The following TNK2 variants were observed in gnomAD, a reference collection of about 807,000 sequenced individuals.
The protein encoded by TNK2 is tyrosine kinase non receptor 2, also known as activated CDC42 kinase 1.
Under a neutral mutation model 101.8 loss-of-function variants are expected in TNK2, and 83 were observed. That is an observed-to-expected ratio of 0.82 (90% CI 0.68 to 0.98). The LOEUF (loss-of-function observed/expected upper bound fraction) is 0.98. Among genes scored for constraint, TNK2 ranks in the 50% least tolerant of loss-of-function variants. The pLI is 0.00. For missense variants in TNK2, 1,665 were observed against 1,483.2 expected (o/e 1.12, Z -2.01); for synonymous variants, 804 against 633.0 (o/e 1.27, Z -4.06).
chr3:195,896,961 CA>C (rs1760635118), intron 1 of TNK2, among the ~76,000 whole-genome samples: 1 of 152,184 alleles, frequency 6.6e-6, no homozygotes. Flanking sequence ...AGGATTTTTC[CA>C]AAACAATCTA....
intron 9 of TNK2, chr3:195,876,607 C>A: frequency 2.2e-6 from 1 of 456,360 alleles, no homozygotes; most frequent in South Asian, 1.5e-5. Flanking sequence ...CCCTCACCTC[C>A]CACCTCCTGA....
intron 15 of TNK2, among the ~76,000 whole-genome samples, chr3:195,865,127 A>C (rs577763711): frequency 5.1e-4 from 71 of 138,488 alleles, no homozygotes; most frequent in African/African-American, 1.6e-3. Context: ...AGTGACAGAC[A>C]GGTGACAGCG....
In TNK2 at chr3:195,886,645, G is replaced by A. The variant is rs1577081568; in HGVS notation, c.234+332C>T. Among the ~76,000 whole-genome samples, 1 of 152,246 alleles carries A rather than the reference G, an allele frequency of 6.6e-6. No individual in the cohort carries two copies. The highest frequency in any genetic ancestry group is 1.5e-5 in the Non-Finnish European group (1 of 68,016). Reference sequence around the variant, plus strand: ...CCAGACAGGTCCACCACCCCACGCTGGACACTGGCCCCAACGCTCAGACAC... The same window carrying A: ...CCAGACAGGTCCACCACCCCACGCTAGACACTGGCCCCAACGCTCAGACAC... On this transcript the variant is annotated intron_variant, in intron 3 of 15. Transcript: ENST00000672887. This position sits in a 1 kb window ranked among gnomAD's most constrained non-coding sequence, Gnocchi z 4.2.
rs1757160256 is a variant in TNK2 at position 195,888,696 on chromosome 3, C to T, written c.-18-90G>A. 9.4e-6 allele frequency: 12 copies of T among 1,277,980 alleles called. No individual in the cohort carries two copies. The highest frequency in any genetic ancestry group is 1.3e-5 in the Non-Finnish European group (12 of 944,476). 79.2% of individuals were successfully genotyped at this position (1,277,980 alleles called of 1,614,324 possible). On this transcript the variant is annotated intron_variant, in intron 1 of 15. Transcript: ENST00000672887. The surrounding 1 kb of genome is among the most constrained non-coding windows in gnomAD (Gnocchi z 5.3). ...ACCTGGGCTCACCTTCATCCCACTA[C>T]ACGGCCACCCGGAAGGGCTCACACC...
At chr3:195,904,625 A>T (rs1349950458) in intron 1 of TNK2, among the ~76,000 whole-genome samples, 1 of 152,236 alleles carries the variant, frequency 6.6e-6, no homozygotes, top group East Asian at 1.9e-4. Flanking sequence ...CGGCTGTGCA[A>T]CAGTATGAAT....
chr3:195,899,855 G>C (rs1311682825), intron 1 of TNK2, among the ~76,000 whole-genome samples: 1 of 152,168 alleles, frequency 6.6e-6, no homozygotes, highest in Non-Finnish European at 1.5e-5. Flanking sequence ...GTCTTTGTGA[G>C]GAACACTGGA....
chr3:195,892,678 A>AGAG (rs10626163), intron 1 of TNK2: 730,655 of 1,408,832 alleles, frequency 0.52, 193,822 homozygotes, highest in African/African-American at 0.82. Context: ...GGCAGGGAGC[A>AGAG]GAGCTTTCCT....
chr3:195,865,516 A>G (rs889957333), intron 15 of TNK2, among the ~76,000 whole-genome samples: 1 of 143,964 alleles, frequency 6.9e-6, no homozygotes, highest in Non-Finnish European at 1.5e-5. Context: ...CGAGACTGGG[A>G]CAGACAAGTG....
intron 10 of TNK2, among the ~76,000 whole-genome samples, chr3:195,871,148 TC>T (rs1369031791): frequency 7.3e-6 from 1 of 137,676 alleles, no homozygotes; most frequent in Non-Finnish European, 1.5e-5. Context: ...GGGCCTGGAA[TC>T]CCCCTGCGGC....
At chr3:195,881,467 G>T (rs555740561) in intron 6 of TNK2, among the ~76,000 whole-genome samples, 3 of 97,930 alleles carry the variant, frequency 3.1e-5, no homozygotes, top group South Asian at 3.6e-4. Context: ...GAGGACACAG[G>T]ATCTGTCCCT....
chr3:195,899,735 G>A (rs1472239299), intron 1 of TNK2, among the ~76,000 whole-genome samples: 1 of 152,242 alleles, frequency 6.6e-6, no homozygotes, highest in Non-Finnish European at 1.5e-5. Flanking sequence ...GGAGCGGTCT[G>A]TATACCTCTG....
Position 195,885,274 on chromosome 3 carries a change from C to T in TNK2, c.235-241G>A. 8.3e-7 allele frequency: 1 copy of T among 1,203,172 alleles called. No individual in the cohort carries two copies. The highest frequency in any genetic ancestry group is 1.1e-6 in the Non-Finnish European group (1 of 890,252). 74.5% of individuals were successfully genotyped at this position (1,203,172 alleles called of 1,614,324 possible). A position where few individuals can be genotyped will look rare whatever the true frequency, so the allele number is the denominator to read the frequency against. On this transcript the variant is annotated intron_variant, in intron 3 of 15. Transcript: ENST00000672887. This position sits in a 1 kb window ranked among gnomAD's most constrained non-coding sequence, Gnocchi z 4.7. ...AGGGTGCCAGAAAGAGACCGACAGG[C>T]ATGCAGCCTGTGGCTGAGCGGCCCC...
chr3:195,899,284 C>G (rs750046425), intron 1 of TNK2, among the ~76,000 whole-genome samples: 10 of 152,202 alleles, frequency 6.6e-5, no homozygotes, highest in African/African-American at 2.4e-4. Flanking sequence ...TGCTTGAAAA[C>G]ATGAGTAGTA....
At chr3:195,868,837 T>A in intron 12 of TNK2, 128 bp from the exon 13 acceptor site, 1 of 1,190,284 alleles carries the variant, frequency 8.4e-7, no homozygotes, top group South Asian at 1.6e-5. Context: ...CCCCCCGAGG[T>A]CTGAGGTCAG....
intron 9 of TNK2, among the ~76,000 whole-genome samples, chr3:195,874,221 G>A (rs543488294): frequency 6.6e-6 from 1 of 152,234 alleles, no homozygotes; most frequent in Admixed American, 6.5e-5. Flanking sequence ...CTGAGGCCGA[G>A]ACCTTGCTCA....
In TNK2 at chr3:195,868,074, G is replaced by T; in HGVS notation, c.2224C>A (p.Pro742Thr). Reference protein sequence around the residue: ...QLQAPAGSPAPSPSPGGDDKP... With the variant: ...QLQAPAGSPATSPSPGGDDKP... ...TCGTCACCCCCCGGGCTGGGAGAGG[G>T]GGCCGGGGAGCCGGCCGGAGCCTGC... is the stretch of plus-strand genomic sequence containing the variant. Residue 742 changes from proline (P) to threonine (T), a missense_variant, in exon 13 of 16, where the codon CCC becomes ACC. Pro to Thr is a conservative substitution (Grantham distance 38). This residue lies in a region of TNK2 where 1,136 missense variants were observed against 894.9 expected (regional missense o/e 1.27). Transcript: ENST00000672887. 1.2e-6 allele frequency: 2 copies of T among 1,608,092 alleles called. No individual in the cohort carries two copies. The highest frequency in any genetic ancestry group is 2.2e-5 in the East Asian group (1 of 44,728).
At position 195,864,178 on chromosome 3, in the gene TNK2, A is replaced by T; in HGVS notation, c.*3T>A. On this transcript the variant is annotated 3_prime_UTR_variant, in exon 16 of 16. Transcript: ENST00000672887. ...GCAGGCCCTCTGGCTCTCCAGACGCATCTCAGCGCCTAGAGAATGGGAAAC... is the reference window on the plus strand; with the variant it reads ...GCAGGCCCTCTGGCTCTCCAGACGCTTCTCAGCGCCTAGAGAATGGGAAAC... 6.2e-7 allele frequency: 1 copy of T among 1,613,972 alleles called. No homozygotes were observed. Among genetic ancestry groups the T allele is most frequent in the Non-Finnish European group, 8.5e-7 (1 of 1,179,906 alleles).
intron 1 of TNK2, among the ~76,000 whole-genome samples, chr3:195,907,659 C>G (rs888301076): frequency 6.6e-6 from 1 of 152,224 alleles, no homozygotes; most frequent in Non-Finnish European, 1.5e-5. Context: ...AGGGAGTCAA[C>G]AAGCCAAATA....
chr3:195,876,747 GA>G, intron 9 of TNK2: 1 of 426,264 alleles, frequency 2.3e-6, no homozygotes, highest in Admixed American at 2.6e-5. Flanking sequence ...GGGGGCCTTC[GA>G]CGGAAGGGCG....
Sources: gnomAD v4.1 joint callset for allele counts (sites outside exome capture counted in the v4.1 genomes callset) on GRCh38, gnomAD v4.1.1 for gene constraint, gnomAD v4.1.1 regional missense constraint, Gnocchi (gnomAD v3.1) non-coding constraint, MANE v1.5 for transcripts, NCBI Gene and HGNC (gene_info 2026-07-23, HGNC 2026-07-21) for gene names.